The following EDC3 variants were observed in gnomAD, a reference collection of about 807,000 sequenced individuals.
EDC3 encodes enhancer of mRNA decapping 3, also known as enhancer of mRNA-decapping protein 3.
EDC3 carries 20 observed loss-of-function variants against 41.8 expected under a neutral mutation model. The observed-to-expected ratio is 0.48, with a 90% CI of 0.34 to 0.70. EDC3 has a LOEUF of 0.70. Ranked by LOEUF, EDC3 falls within the 30% of genes least tolerant of loss-of-function variation. EDC3 has a pLI of 0.01. For synonymous variants in EDC3, 206 were observed against 243.2 expected (o/e 0.85, Z 1.42); for missense variants, 444 against 636.8 (o/e 0.70, Z 3.26).
intron 4 of EDC3, among the ~76,000 whole-genome samples, chr15:74,645,677 T>C (rs1273428287): frequency 6.8e-6 from 1 of 146,004 alleles, no homozygotes; most frequent in Non-Finnish European, 1.5e-5. Context: ...GAGATCATCC[T>C]GGGCAACATG....
At chr15:74,643,653 C>G (rs972836689) in intron 4 of EDC3, 1 of 152,320 alleles carries the variant, frequency 6.6e-6, no homozygotes, top group Non-Finnish European at 1.5e-5. Flanking sequence ...AGGCCTTTCC[C>G]TCCCTTATGG....
At chr15:74,638,326 CTTTTTTTTTTT>C (rs60846010) in intron 5 of EDC3, 3 of 92,636 alleles carry the variant, frequency 3.2e-5, no homozygotes, top group East Asian at 3.9e-4. Context: ...AACTTCAGAT[CTTTTTTTTTTT>C]TTTTTTTTTT....
At chr15:74,653,483 G>T (rs773131300) in intron 4 of EDC3, among the ~76,000 whole-genome samples, 9 of 152,144 alleles carry the variant, frequency 5.9e-5, no homozygotes, top group Non-Finnish European at 1.2e-4. Flanking sequence ...TAAGATAACT[G>T]CCTGCTTGCT....
chr15:74,655,183 T>C (rs775456617), intron 4 of EDC3, among the ~76,000 whole-genome samples: 2 of 152,224 alleles, frequency 1.3e-5, no homozygotes, highest in Admixed American at 6.5e-5. Flanking sequence ...GATTATCATC[T>C]ACAATGACCT....
In EDC3 at chr15:74,655,819, C is replaced by G; in HGVS notation, c.734G>C (p.Arg245Pro). ...GIPNERPTRYRHDENILESEP... is the reference protein window; with the variant it reads ...GIPNERPTRYPHDENILESEP... Reference sequence around the variant, plus strand: ...GGACTCCAAGATGTTCTCATCATGGCGGTACCGAGTGGGCCTTTCATTTGG... The same window carrying G: ...GGACTCCAAGATGTTCTCATCATGGGGGTACCGAGTGGGCCTTTCATTTGG... The change falls in exon 4 of 7, where the codon CGC (arginine) becomes CCC (proline). Residue 245 changes from arginine to proline, a missense_variant. Around this residue, in one of 3 missense-constraint regions of EDC3, gnomAD observed 242 missense variants for 363.8 expected, o/e 0.67. Transcript: ENST00000315127. 1 of 1,614,124 alleles carries G rather than the reference C, an allele frequency of 6.2e-7. No individual in the cohort carries two copies. Among genetic ancestry groups the G allele is most frequent in the Non-Finnish European group, 8.5e-7 (1 of 1,180,024 alleles).
At chr15:74,670,284 A>G (rs2062724670) in intron 3 of EDC3, among the ~76,000 whole-genome samples, 1 of 152,160 alleles carries the variant, frequency 6.6e-6, no homozygotes, top group South Asian at 2.1e-4. Flanking sequence ...TTTAAGGAGC[A>G]TAACAGATTC....
chr15:74,692,597 A>G (rs887382059), intron 1 of EDC3, among the ~76,000 whole-genome samples: 2 of 152,224 alleles, frequency 1.3e-5, no homozygotes, highest in Non-Finnish European at 2.9e-5. Flanking sequence ...CACAGTCACA[A>G]AAATTAACAA....
At chr15:74,660,953 A>C (rs2062613855) in intron 3 of EDC3, among the ~76,000 whole-genome samples, 2 of 152,226 alleles carry the variant, frequency 1.3e-5, no homozygotes, top group Non-Finnish European at 2.9e-5. Context: ...AAGTGGTTAT[A>C]CATCAATTTT....
intron 3 of EDC3, among the ~76,000 whole-genome samples, chr15:74,662,983 A>G (rs555919514): frequency 2.6e-5 from 4 of 152,314 alleles, no homozygotes; most frequent in African/African-American, 9.6e-5. Flanking sequence ...TCCTGGAACT[A>G]AAGTTTGAAA....
At chr15:74,655,602 C>A (rs1234817251) in intron 4 of EDC3, 131 bp downstream of exon 4, 2 of 886,586 alleles carry the variant, frequency 2.3e-6, no homozygotes, top group Admixed American at 2.9e-5. Flanking sequence ...GACAATAATA[C>A]CGGGCCAGCC....
chr15:74,682,217 G>A (rs1437727140), intron 1 of EDC3, among the ~76,000 whole-genome samples: 2 of 152,206 alleles, frequency 1.3e-5, no homozygotes, highest in Non-Finnish European at 2.9e-5. Flanking sequence ...AGCTATTTGA[G>A]TGGCTAAGGC....
chr15:74,674,822 C>T lies in EDC3; in HGVS notation c.164+139G>A. 3.0e-6 allele frequency: 3 copies of T among 992,254 alleles called. No homozygotes were observed. In the South Asian group the frequency reaches 4.6e-5, roughly 15 times the overall value. 61.5% of individuals were successfully genotyped at this position (992,254 alleles called of 1,614,324 possible). On this transcript the variant is annotated intron_variant, in intron 2 of 6. Transcript: ENST00000315127. ...TTGAGGCCAGTAGTTCGAGACCAGC[C>T]TGGCCAACACAGTGAAACCCCATCT...
chr15:74,635,379 C>T, intron 6 of EDC3, 30 bp downstream of exon 6: 2 of 1,604,996 alleles, frequency 1.2e-6, no homozygotes, highest in Admixed American at 1.7e-5. Flanking sequence ...AGGGAGGAGG[C>T]CTTCAGCCCA....
chr15:74,680,238 G>C (rs967245759), intron 1 of EDC3, among the ~76,000 whole-genome samples: 1 of 144,004 alleles, frequency 6.9e-6, no homozygotes, highest in Non-Finnish European at 1.5e-5. Context: ...TCCAGCCTGG[G>C]TGACAGAGCG....
At chr15:74,660,637 A>T (rs1380058048) in intron 3 of EDC3, among the ~76,000 whole-genome samples, 1 of 152,118 alleles carries the variant, frequency 6.6e-6, no homozygotes, top group African/African-American at 2.4e-5. Flanking sequence ...AAGGATTATC[A>T]ACGTACTGCC....
intron 4 of EDC3, among the ~76,000 whole-genome samples, chr15:74,653,564 A>G (rs556749306): frequency 6.6e-6 from 1 of 152,318 alleles, no homozygotes; most frequent in South Asian, 2.1e-4. Flanking sequence ...AAGAACAAAG[A>G]GAAAAACCAG....
chr15:74,658,678 T>C (rs976568001), intron 3 of EDC3, among the ~76,000 whole-genome samples: 6 of 138,128 alleles, frequency 4.3e-5, no homozygotes, highest in Admixed American at 7.8e-5. Flanking sequence ...CGGGGGCTCA[T>C]GCCTGTAATC....
At chr15:74,677,915 A>G (rs2062824574) in intron 1 of EDC3, among the ~76,000 whole-genome samples, 1 of 152,242 alleles carries the variant, frequency 6.6e-6, no homozygotes, top group Non-Finnish European at 1.5e-5. Context: ...TTCAGCACAA[A>G]AAAGAAATGA....
At chr15:74,673,935 G>A (rs1380138121) in intron 2 of EDC3, among the ~76,000 whole-genome samples, 1 of 150,242 alleles carries the variant, frequency 6.7e-6, no homozygotes, top group Non-Finnish European at 1.5e-5. Flanking sequence ...ACCAAAGATA[G>A]AACCCTGAGT....
Sources: allele counts gnomAD v4.1 joint callset (sites outside exome capture counted in the v4.1 genomes callset), GRCh38; gene constraint gnomAD v4.1.1; regional missense constraint gnomAD v4.1.1; transcripts MANE v1.5; gene names NCBI Gene and HGNC (gene_info 2026-07-23, HGNC 2026-07-21).